Variants in GOSR2 observed in about 807,000 individuals in gnomAD.
GOSR2 encodes 27 kDa Golgi SNARE protein.
GOSR2 carries 20 observed loss-of-function variants against 27.9 expected under a neutral mutation model. The ratio of observed to expected loss-of-function variants is 0.72; its 90% CI spans 0.50 to 1.04. The LOEUF (loss-of-function observed/expected upper bound fraction) is 1.04. GOSR2 is among the 50% of genes least tolerant of loss of function. The pLI is 0.00. For synonymous variants in GOSR2, 91 were observed against 98.8 expected, an observed-to-expected ratio of 0.92 and a Z score of 0.47; for missense variants, 261 against 270.5, an observed-to-expected ratio of 0.97 and a Z score of 0.25.
intron 1 of GOSR2, chr17:46,923,600 C>T (rs925248948): frequency 2.3e-6 from 3 of 1,285,952 alleles, no homozygotes; most frequent in South Asian, 3.0e-5. Flanking sequence ...GGCCCCTGGC[C>T]GTAGGAGTGT....
At chr17:46,946,831 C>G (rs1432899793), downstream of GOSR2, among the ~76,000 whole-genome samples, 1 of 152,208 alleles carries the variant, frequency 6.6e-6, no homozygotes, top group Non-Finnish European at 1.5e-5. Flanking sequence ...CCACTGCACT[C>G]TAGCCTGGGT....
At chr17:46,935,383 G>T (rs1197593386) in intron 5 of GOSR2, 1 of 1,440,826 alleles carries the variant, frequency 6.9e-7, no homozygotes, top group East Asian at 2.5e-5. Flanking sequence ...AACAAACCAT[G>T]AAGTGGCCTC....
At position 46,973,736 on chromosome 17, in the gene GOSR2, C is replaced by A. The variant is rs1302355010; in HGVS notation, c.616-1463C>A. The stretch of plus-strand genomic sequence containing the variant: ...TATTGACAAGAAAGAATCTTGCTTT[C>A]TTGACAAGAATCTGCACTCAAGAGA... On this transcript the variant is annotated intron_variant, in intron 6 of 6. Transcript: ENST00000640723. Among the ~76,000 whole-genome samples the A allele has an allele frequency of 3.9e-5, 6 of 152,104 alleles. No homozygotes were observed. In the East Asian group the frequency reaches 1.2e-3, roughly 29 times the overall value.
chr17:46,966,452 A>G (rs111548342), intron 6 of GOSR2: 10,990 of 601,890 alleles, frequency 0.018, 213 homozygotes, highest in African/African-American at 0.073. Context: ...GGCTTAAGCA[A>G]TCCTCCCATC....
chr17:46,936,525 A>C, intron 5 of GOSR2: 1 of 985,488 alleles, frequency 1.0e-6, no homozygotes, highest in Non-Finnish European at 1.2e-6. Context: ...CCTGCCTCAC[A>C]CCCTGCCTCC....
intron 1 of GOSR2, chr17:46,923,497 T>G (rs2086008389): frequency 7.2e-7 from 1 of 1,382,282 alleles, no homozygotes; most frequent in Non-Finnish European, 9.3e-7. Flanking sequence ...GACGGGAAAC[T>G]GGCACCTGCA....
chr17:46,933,977 A>G (rs2087831104), intron 4 of GOSR2, among the ~76,000 whole-genome samples: 1 of 151,150 alleles, frequency 6.6e-6, no homozygotes, highest in Non-Finnish European at 1.5e-5. Context: ...CCCCAGCACT[A>G]CTTGGCAGGA....
chr17:46,974,997 T>C (rs931414135), intron 6 of GOSR2, among the ~76,000 whole-genome samples: 2 of 25,856 alleles, frequency 7.7e-5, no homozygotes, highest in African/African-American at 7.5e-5. Flanking sequence ...CTTTTTTTTT[T>C]TTTTTTTTTT....
At chr17:46,956,260 A>ATTC (rs910688862) in intron 6 of GOSR2, among the ~76,000 whole-genome samples, 9 of 139,666 alleles carry the variant, frequency 6.4e-5, no homozygotes, top group African/African-American at 2.4e-4. Flanking sequence ...TAAGGCCAGG[A>ATTC]TTCTGCCTTG....
chr17:46,935,303 T>C (rs777305878), intron 5 of GOSR2, 134 bp downstream of exon 5: 2 of 1,547,458 alleles, frequency 1.3e-6, no homozygotes, highest in African/African-American at 2.7e-5. Flanking sequence ...GCCCTTGAGT[T>C]TGGGATCCTT....
At chr17:46,936,882 T>C in intron 5 of GOSR2, 1 of 965,214 alleles carries the variant, frequency 1.0e-6, no homozygotes, top group South Asian at 4.8e-5. Context: ...GGGCAGAATG[T>C]AGATTTTGGA....
downstream of GOSR2, among the ~76,000 whole-genome samples, chr17:46,943,161 A>G (rs570861119): frequency 2.8e-4 from 42 of 152,254 alleles, 2 homozygotes; most frequent in Admixed American, 2.4e-3. Flanking sequence ...TCCCCCATGC[A>G]CTTCCCCTGG....
At chr17:46,957,584 GC>G (rs1380275173) in intron 6 of GOSR2, among the ~76,000 whole-genome samples, 1 of 152,028 alleles carries the variant, frequency 6.6e-6, no homozygotes, top group Non-Finnish European at 1.5e-5. Flanking sequence ...CTGCACTCCA[GC>G]CTAGGTGACA....
downstream of GOSR2, among the ~76,000 whole-genome samples, chr17:46,945,971 T>A (rs989099668): frequency 2.0e-5 from 3 of 152,152 alleles, no homozygotes; most frequent in African/African-American, 7.2e-5. Context: ...CATTTCTTTT[T>A]TCCCCCTGTG....
chr17:46,963,015 A>G (rs910332983), intron 6 of GOSR2, among the ~76,000 whole-genome samples: 1 of 150,336 alleles, frequency 6.7e-6, no homozygotes, highest in Non-Finnish European at 1.5e-5. Context: ...AGAATGCCAC[A>G]TGGCTAATAA....
At chr17:46,935,649 T>G in intron 5 of GOSR2, 1 of 1,001,096 alleles carries the variant, frequency 1.0e-6, no homozygotes, top group Non-Finnish European at 1.2e-6. Context: ...CCTGGTTGTT[T>G]GCAGTAGATT....
downstream of GOSR2, among the ~76,000 whole-genome samples, chr17:46,943,726 G>A (rs972669587): frequency 6.6e-6 from 1 of 152,216 alleles, no homozygotes; most frequent in South Asian, 2.1e-4. Context: ...GAAGGTTCAA[G>A]GCCACTGATG....
Position 46,939,355 on chromosome 17 carries a change from T to C in GOSR2, c.*595T>C, listed in dbSNP as rs2088933240. On this transcript the variant is annotated 3_prime_UTR_variant, in exon 6 of 6. Coordinates refer to ENST00000640051, the MANE Select transcript of GOSR2 (RefSeq NM_004287.5). ...ACCTAGGGGAAACAAGATGTAGTGC[T>C]ATTGCCGATAACAAGTAAGATTTTC... is the stretch of plus-strand genomic sequence containing the variant. 2.0e-6 allele frequency: 2 copies of C among 1,004,242 alleles called. No individual in the cohort carries two copies. Among genetic ancestry groups the C allele is most frequent in the Non-Finnish European group, 2.4e-6 (2 of 839,244 alleles). 62.2% of individuals were successfully genotyped at this position (1,004,242 alleles called of 1,614,324 possible).
Position 46,932,101 on chromosome 17 carries a change from C to T in GOSR2, c.238C>T (p.Leu80=). 1.9e-6 allele frequency: 3 copies of T among 1,613,430 alleles called. No homozygotes were observed. Among genetic ancestry groups the T allele is most frequent in the Non-Finnish European group, 2.5e-6 (3 of 1,179,382 alleles). The change falls in exon 4 of 6, where the codon CTG becomes TTG. Residue 80 remains leucine (L), a synonymous_variant. Coordinates refer to ENST00000640051, the MANE Select transcript of GOSR2 (RefSeq NM_004287.5). ...CCAGTTAAAGTATGATGTCCAGCAC[C>T]TGCAGACTGCGCTCAGAAACTTCCA... ...VDQLKYDVQH[L]QTALRNFQHR...
Sources: allele counts gnomAD v4.1 joint callset (sites outside exome capture counted in the v4.1 genomes callset), GRCh38; gene constraint gnomAD v4.1.1; transcripts MANE v1.5; gene names NCBI Gene and HGNC (gene_info 2026-07-23, HGNC 2026-07-21).